COL18A1: variants seen among roughly 807,000 people sequenced by gnomAD.
The protein encoded by COL18A1 is collagen type XVIII alpha 1 chain.
COL18A1 carries 133 observed loss-of-function variants against 168.0 expected under a neutral mutation model. The ratio of observed to expected loss-of-function variants is 0.79; its 90% CI spans 0.69 to 0.91. The LOEUF (loss-of-function observed/expected upper bound fraction) is 0.91, where lower values mean the gene tolerates loss of function less well. COL18A1 is among the 40% of genes least tolerant of loss of function. The pLI, the probability that COL18A1 is intolerant of heterozygous loss-of-function variation, is 0.00. For missense variants in COL18A1, 2,126 were observed against 1,925.4 expected, an observed-to-expected ratio of 1.10 and a Z score of -1.95; for synonymous variants, 949 against 809.0, an observed-to-expected ratio of 1.17 and a Z score of -2.94.
intron 2 of COL18A1, among the ~76,000 whole-genome samples, chr21:45,437,446 T>A (rs201223758): frequency 0.022 from 97 of 4,466 alleles, 1 homozygote; most frequent in East Asian, 0.061. Flanking sequence ...ACACACACAC[T>A]CACTCACAGA....
chr21:45,487,132 A>G, intron 16 of COL18A1, 140 bp downstream of exon 16: 1 of 897,996 alleles, frequency 1.1e-6, no homozygotes, highest in Non-Finnish European at 1.6e-6. Flanking sequence ...GGGATTCCAT[A>G]TTCCGCATGG....
chr21:45,442,525 G>C (rs1214504986), intron 2 of COL18A1, among the ~76,000 whole-genome samples: 1 of 152,266 alleles, frequency 6.6e-6, no homozygotes, highest in Non-Finnish European at 1.5e-5. Context: ...CTGTCGCCGG[G>C]TAGTAGCAGG....
At chr21:45,412,086 C>T (rs7279340) in intron 2 of COL18A1, among the ~76,000 whole-genome samples, 6,886 of 152,196 alleles carry the variant, frequency 0.045, 420 homozygotes, top group African/African-American at 0.14. Flanking sequence ...GTTTGTGGCT[C>T]GTGCCCACTG....
intron 28 of COL18A1, 92 bp downstream of exon 28, chr21:45,495,007 A>G: frequency 8.7e-7 from 1 of 1,146,314 alleles, no homozygotes; most frequent in Non-Finnish European, 1.3e-6. Flanking sequence ...CCCAGAGGGG[A>G]GTGGACGGCC....
At chr21:45,438,758 G>T (rs2034289645) in intron 2 of COL18A1, among the ~76,000 whole-genome samples, 1 of 152,232 alleles carries the variant, frequency 6.6e-6, no homozygotes, top group Admixed American at 6.5e-5. Context: ...GTGGACAAAG[G>T]CGCATCTAAT....
In COL18A1 at chr21:45,405,165, G is replaced by A. The variant is rs1290515929; in HGVS notation, c.-66G>A. ...CCAGCGGCGGCGGCTGCAGCGCGGCGGTCCGAGCGGGTGCACCGCGGCGGA... is the reference window on the plus strand; with the variant it reads ...CCAGCGGCGGCGGCTGCAGCGCGGCAGTCCGAGCGGGTGCACCGCGGCGGA... On this transcript the variant is annotated 5_prime_UTR_variant, in exon 1 of 42. Transcript: ENST00000651438. 2 of 316,844 alleles carry A rather than the reference G, an allele frequency of 6.3e-6. No individual in the cohort carries two copies. The highest frequency in any genetic ancestry group is 5.3e-5 in the East Asian group (1 of 18,906). The allele number at this position is 316,844 out of a possible 1,614,324, so 19.6% of individuals were successfully genotyped here. A position where few individuals can be genotyped will look rare whatever the true frequency, so the allele number is the denominator to read the frequency against.
chr21:45,486,013 T>A (rs2036095674), intron 15 of COL18A1, among the ~76,000 whole-genome samples: 1 of 152,220 alleles, frequency 6.6e-6, no homozygotes, highest in Non-Finnish European at 1.5e-5. Context: ...GTGGTTCAGC[T>A]GGGCCACGTC....
Position 45,473,273 on chromosome 21 carries a change from G to GC in COL18A1, c.652-619dup. On this transcript the variant is annotated intron_variant, in intron 3 of 41. Coordinates refer to ENST00000651438, the MANE Select transcript of COL18A1 (RefSeq NM_001379500.1). The surrounding 1 kb of genome is among the most constrained non-coding windows in gnomAD (Gnocchi z 4.0). Reference sequence around the variant, plus strand: ...GCAGGGTCAGGCACCCTGGCACTCAGCCCAGGACTGAAGATGCCAGAGGGA... The same window carrying GC: ...GCAGGGTCAGGCACCCTGGCACTCAGCCCCAGGACTGAAGATGCCAGAGGGA... Among the ~76,000 whole-genome samples, 1 of 152,242 alleles carries GC rather than the reference G, an allele frequency of 6.6e-6. No homozygotes were observed. The highest frequency in any genetic ancestry group is 1.9e-4 in the East Asian group (1 of 5,190).
Position 45,505,882 on chromosome 21 carries a change from C to T in COL18A1, c.3132C>T (p.His1044=), listed in dbSNP as rs2037173902. 6.2e-6 allele frequency: 10 copies of T among 1,611,042 alleles called. No homozygotes were observed. Among genetic ancestry groups the T allele is most frequent in the African/African-American group, 4.0e-5 (3 of 75,042 alleles). ...GCCAGGCCATGCTGGGCCAGGTGCA[C>T]GAGGTTCCCGAGGGCTGGCTCATCT... ...ATRQAMLGQV[H]EVPEGWLIFV... Residue 1044 remains histidine (H), a synonymous_variant, in exon 37 of 42, where the codon CAC becomes CAT. Transcript: ENST00000651438.
intron 28 of COL18A1, 77 bp from the exon 29 acceptor site, chr21:45,495,281 A>G (rs2036491268): frequency 1.6e-6 from 2 of 1,274,188 alleles, no homozygotes; most frequent in South Asian, 1.3e-5. Flanking sequence ...GCGTGGGGCT[A>G]ACGGCAGGCA....
chr21:45,419,349 A>G (rs1339565999), intron 2 of COL18A1, among the ~76,000 whole-genome samples: 1 of 150,104 alleles, frequency 6.7e-6, no homozygotes, highest in Non-Finnish European at 1.5e-5. Flanking sequence ...GTGTGTAGTG[A>G]TGCGCGATGC....
chr21:45,465,047 C>A (rs953603832), intron 2 of COL18A1, among the ~76,000 whole-genome samples: 1 of 152,226 alleles, frequency 6.6e-6, no homozygotes, highest in Non-Finnish European at 1.5e-5. Context: ...CTTTATCCTG[C>A]ATCTCAGGAG....
chr21:45,488,720 TTC>T (rs1371617496), intron 18 of COL18A1, among the ~76,000 whole-genome samples: 3 of 152,042 alleles, frequency 2.0e-5, no homozygotes, highest in Non-Finnish European at 4.4e-5. Flanking sequence ...CTGAAGCATA[TTC>T]TCAGACTTGG....
chr21:45,492,408 A>G (rs2036383786), intron 22 of COL18A1, 127 bp from the exon 23 acceptor site: 2 of 1,183,506 alleles, frequency 1.7e-6, no homozygotes. Flanking sequence ...AGGCCCAGGA[A>G]GACTGGAAAG....
intron 2 of COL18A1, among the ~76,000 whole-genome samples, chr21:45,442,595 T>TGGTGCTGGTGTGGGCGGC (rs1569291727): frequency 6.8e-6 from 1 of 147,626 alleles, no homozygotes; most frequent in Non-Finnish European, 1.5e-5. Context: ...GTGTGGGCGG[T>TGGTGCTGGTGTGGGCGGC]GGTGCTGGTG....
rs9980939 is a variant in COL18A1, at chr21:45,510,096, A to G, written c.3528A>G (p.Ser1176=). 15,170 of 1,588,520 alleles carry G rather than the reference A, an allele frequency of 9.5e-3. 144 individuals are homozygous for G. Among genetic ancestry groups the G allele is most frequent in the African/African-American group, 0.047 (3,464 of 74,464 alleles). ...LHLVALNSPL[S]GGMRGIRGAD... ...TGGTTGCGCTCAACAGCCCCCTGTC[A>G]GGCGGCATGCGGGGCATCCGCGGGG... The change falls in exon 40 of 42, where the codon TCA becomes TCG. Residue 1176 remains serine (S), a synonymous_variant. Coordinates refer to ENST00000651438, the MANE Select transcript of COL18A1 (RefSeq NM_001379500.1).
At chr21:45,437,269 G>A (rs1402240308) in intron 2 of COL18A1, among the ~76,000 whole-genome samples, 1 of 67,588 alleles carries the variant, frequency 1.5e-5, no homozygotes, top group African/African-American at 7.2e-5. Flanking sequence ...CACACACTCA[G>A]ACACACAGGC....
intron 2 of COL18A1, among the ~76,000 whole-genome samples, chr21:45,464,557 C>T (rs2145878855): frequency 1.3e-5 from 2 of 152,308 alleles, no homozygotes; most frequent in Admixed American, 1.3e-4. Flanking sequence ...TAAACCAACA[C>T]AGCTGTCTTA....
In COL18A1 at chr21:45,456,255, C is replaced by A. The variant is rs757523045; in HGVS notation, c.107-11987C>A. ...CAGGACCCAGACAGCCAAGGACTCT[C>A]GCCCGCCGCAGCCGCTCCCAGCCAG... On this transcript the variant is annotated intron_variant, in intron 2 of 41. Transcript: ENST00000651438. The A allele has an allele frequency of 1.1e-5, 18 of 1,565,728 alleles. No homozygotes were observed. The African/African-American group carries it at 2.0e-4, about 18-fold the overall frequency.
Sources: allele counts gnomAD v4.1 joint callset (sites outside exome capture counted in the v4.1 genomes callset), GRCh38; gene constraint gnomAD v4.1.1; non-coding constraint Gnocchi (gnomAD v3.1); transcripts MANE v1.5; gene names NCBI Gene and HGNC (gene_info 2026-07-23, HGNC 2026-07-21).